The following ABHD12 variants were observed in gnomAD, a reference collection of about 807,000 sequenced individuals.
ABHD12 encodes the protein abhydrolase domain containing 12, lysophospholipase, also known as lysophosphatidylserine lipase ABHD12.
In ABHD12, 43 loss-of-function variants were observed where a neutral mutation model predicts 58.3. The ratio of observed to expected loss-of-function variants is 0.74; its 90% CI spans 0.58 to 0.95. The LOEUF (loss-of-function observed/expected upper bound fraction) is 0.95. Among genes scored for constraint, ABHD12 ranks in the 40% least tolerant of loss-of-function variants. ABHD12 has a pLI of 0.00. For missense variants in ABHD12, 539 were observed against 537.2 expected, an observed-to-expected ratio of 1.00 and a Z score of -0.03; for synonymous variants, 219 against 211.2, an observed-to-expected ratio of 1.04 and a Z score of -0.32.
chr20:25,377,368 T>G (rs1164849164), intron 1 of ABHD12, among the ~76,000 whole-genome samples: 2 of 152,230 alleles, frequency 1.3e-5, no homozygotes, highest in South Asian at 2.1e-4. Context: ...CAGTTTTTTG[T>G]TTCTATAATT....
intron 1 of ABHD12, among the ~76,000 whole-genome samples, chr20:25,376,141 A>AATG (rs1487513005): frequency 6.6e-6 from 1 of 152,024 alleles, no homozygotes; most frequent in Admixed American, 6.6e-5. Context: ...TAATAATAAT[A>AATG]ATAATGTCTA....
chr20:25,372,792 G>A (rs965747017), intron 1 of ABHD12, among the ~76,000 whole-genome samples: 2 of 152,206 alleles, frequency 1.3e-5, no homozygotes, highest in Non-Finnish European at 2.9e-5. Context: ...TTGTGGTGAT[G>A]TGGTATAAAC....
chr20:25,338,734 G>T (rs926810730), intron 2 of ABHD12, among the ~76,000 whole-genome samples: 2 of 151,846 alleles, frequency 1.3e-5, no homozygotes, highest in Non-Finnish European at 2.9e-5. Context: ...TTTTAAAAAA[G>T]AAAAAAGGCC....
At chr20:25,315,752 C>T (rs2088949502) in intron 5 of ABHD12, among the ~76,000 whole-genome samples, 1 of 152,208 alleles carries the variant, frequency 6.6e-6, no homozygotes, top group Non-Finnish European at 1.5e-5. Context: ...ACTTCTCAAA[C>T]TCTCCCCACC....
intron 1 of ABHD12, among the ~76,000 whole-genome samples, chr20:25,347,296 T>G (rs545616850): frequency 7.3e-4 from 111 of 152,212 alleles, no homozygotes; most frequent in African/African-American, 2.5e-3. Context: ...AGCATGCTGT[T>G]TTCAGCAGGG....
intron 2 of ABHD12, among the ~76,000 whole-genome samples, chr20:25,330,858 TG>T (rs2089260893): frequency 6.6e-6 from 1 of 151,136 alleles, no homozygotes. Flanking sequence ...ACCACAAAGA[TG>T]GGGAAAAAAA....
chr20:25,349,605 G>A (rs1372725833), intron 1 of ABHD12, among the ~76,000 whole-genome samples: 2 of 152,226 alleles, frequency 1.3e-5, no homozygotes, highest in Non-Finnish European at 2.9e-5. Flanking sequence ...CAACATGGAT[G>A]AACTTTTAAA....
chr20:25,303,707 T>G (rs2260197), intron 10 of ABHD12, 79 bp from the exon 11 acceptor site: 1 of 1,591,384 alleles, frequency 6.3e-7, no homozygotes, highest in Non-Finnish European at 8.6e-7. Context: ...GGCAGGGATC[T>G]GGGTTCAGGG....
chr20:25,313,293 G>C (rs1462554259), intron 6 of ABHD12, among the ~76,000 whole-genome samples: 2 of 152,304 alleles, frequency 1.3e-5, no homozygotes, highest in African/African-American at 4.8e-5. Flanking sequence ...CCCCAACCTG[G>C]TGCTCTCTGA....
chr20:25,302,897 A>G (rs2088663697), intron 11 of ABHD12, among the ~76,000 whole-genome samples: 1 of 152,122 alleles, frequency 6.6e-6, no homozygotes, highest in Non-Finnish European at 1.5e-5. Context: ...CCTGGGCTGA[A>G]TCCGTGGACG....
intron 1 of ABHD12, chr20:25,390,258 T>C: frequency 2.7e-6 from 1 of 367,218 alleles, no homozygotes; most frequent in Non-Finnish European, 4.8e-6. Flanking sequence ...CAGGAGTGCC[T>C]GGCGAGAGGG....
Position 25,320,221 on chromosome 20 carries a change from G to A in ABHD12, c.520C>T (p.Leu174=). ...LASSHPIILY[L]HGNAGTRGGD... is the part of the protein sequence containing the mutation. ...CACCTGGTACCTGCGTTCCCATGCAGGTACAGAATGATAGGGTGGCTGGAA... is the reference window on the plus strand; with the variant it reads ...CACCTGGTACCTGCGTTCCCATGCAAGTACAGAATGATAGGGTGGCTGGAA... The change falls in exon 4 of 13, where the codon CTG becomes TTG. Residue 174 remains leucine (L), a synonymous_variant. Transcript: ENST00000339157. The A allele has an allele frequency of 6.2e-7, 1 of 1,614,104 alleles. No homozygotes were observed. The highest frequency in any genetic ancestry group is 8.5e-7 in the Non-Finnish European group (1 of 1,180,024).
intron 1 of ABHD12, among the ~76,000 whole-genome samples, chr20:25,376,970 G>A (rs2089969434): frequency 6.6e-6 from 1 of 152,122 alleles, no homozygotes; most frequent in Non-Finnish European, 1.5e-5. Flanking sequence ...GGAACAGAGT[G>A]AGAGAGAGAG....
chr20:25,297,151 T>C (rs756100189), downstream of ABHD12: 3 of 152,922 alleles, frequency 2.0e-5, no homozygotes, highest in Non-Finnish European at 4.4e-5. Context: ...AGCCATCCAA[T>C]GGGCATTGTG....
chr20:25,326,623 T>C (rs755457980), intron 2 of ABHD12, among the ~76,000 whole-genome samples: 4 of 152,242 alleles, frequency 2.6e-5, no homozygotes, highest in Admixed American at 6.5e-5. Context: ...TTGCACTTTA[T>C]GCAAATAATC....
intron 6 of ABHD12, among the ~76,000 whole-genome samples, chr20:25,313,397 G>A (rs2088899780): frequency 6.6e-6 from 1 of 152,144 alleles, no homozygotes; most frequent in East Asian, 1.9e-4. Flanking sequence ...TGCTCATTAA[G>A]AGTCATCACC....
At chr20:25,389,364 T>G (rs768245132) in intron 1 of ABHD12, among the ~76,000 whole-genome samples, 2 of 152,224 alleles carry the variant, frequency 1.3e-5, no homozygotes, top group Non-Finnish European at 2.9e-5. Context: ...ATGATTTTTT[T>G]AAGCAATGAA....
intron 1 of ABHD12, chr20:25,339,692 A>T: frequency 7.3e-7 from 1 of 1,376,668 alleles, no homozygotes; most frequent in South Asian, 1.1e-5. Flanking sequence ...CCCCAGCTGT[A>T]ACCTCGTATC....
exon 13 of ABHD12, chr20:25,294,877 G>A: frequency 7.1e-7 from 1 of 1,399,416 alleles, no homozygotes; most frequent in South Asian, 1.2e-5. Flanking sequence ...TCCGGCGAGG[G>A]CTGGGAATTC....
Sources: allele counts gnomAD v4.1 joint callset (sites outside exome capture counted in the v4.1 genomes callset), GRCh38; gene constraint gnomAD v4.1.1; transcripts MANE v1.5; gene names NCBI Gene and HGNC (gene_info 2026-07-23, HGNC 2026-07-21).